The following CELF4 variants were observed in gnomAD, a reference collection of about 807,000 sequenced individuals.
CELF4 encodes CUGBP Elav-like family member 4.
In CELF4, 18 loss-of-function variants were observed where a neutral mutation model predicts 59.9. The observed-to-expected ratio is 0.30, with a 90% confidence interval of 0.21 to 0.45. The LOEUF (loss-of-function observed/expected upper bound fraction) is 0.45, where lower values mean the gene tolerates loss of function less well. CELF4 is among the 20% of genes least tolerant of loss of function. CELF4 has a pLI of 1.00. For missense variants in CELF4, 456 were observed against 689.0 expected (o/e 0.66, Z 3.79); for synonymous variants, 261 against 267.1 (o/e 0.98, Z 0.22).
At chr18:37,296,864 G>T (rs2095674103) in intron 3 of CELF4, among the ~76,000 whole-genome samples, 1 of 152,180 alleles carries the variant, frequency 6.6e-6, no homozygotes, top group African/African-American at 2.4e-5. Flanking sequence ...TAAGTTAGCA[G>T]TGAACAGGAG....
intron 2 of CELF4, among the ~76,000 whole-genome samples, chr18:37,468,333 G>C (rs915305971): frequency 2.0e-5 from 3 of 152,196 alleles, no homozygotes; most frequent in African/African-American, 7.2e-5. Context: ...GCTGGCCTCA[G>C]AGGCCTAGCC....
At chr18:37,331,646 G>A (rs2097546617) in intron 2 of CELF4, among the ~76,000 whole-genome samples, 1 of 151,672 alleles carries the variant, frequency 6.6e-6, no homozygotes, top group Non-Finnish European at 1.5e-5. Context: ...TCCTTCCCAT[G>A]CTCCAGACCT....
intron 3 of CELF4, among the ~76,000 whole-genome samples, chr18:37,300,483 C>T (rs1023690253): frequency 6.6e-6 from 1 of 152,178 alleles, no homozygotes; most frequent in Non-Finnish European, 1.5e-5. Context: ...CCTCGGCCTC[C>T]CAAAGTGCTG....
At chr18:37,414,231 TATCTATCTATCTATCC>T (rs1340332962) in intron 2 of CELF4, among the ~76,000 whole-genome samples, 1 of 130,732 alleles carries the variant, frequency 7.6e-6, no homozygotes, top group African/African-American at 2.6e-5. Flanking sequence ...TCTATCTATC[TATCTATCTATCTATCC>T]ATCCATTCAT....
intron 2 of CELF4, among the ~76,000 whole-genome samples, chr18:37,464,699 G>A (rs1331740225): frequency 6.6e-6 from 1 of 152,124 alleles, no homozygotes; most frequent in Non-Finnish European, 1.5e-5. Flanking sequence ...GCCCTGCCAG[G>A]GGAGGCATCT....
intron 2 of CELF4, among the ~76,000 whole-genome samples, chr18:37,425,971 A>G (rs2154594610): frequency 6.6e-6 from 1 of 152,354 alleles, no homozygotes; most frequent in Middle Eastern, 3.4e-3. Context: ...TGCCAGGGAC[A>G]GTGCCTGGAG....
chr18:37,363,960 A>T (rs1272171151), intron 2 of CELF4, among the ~76,000 whole-genome samples: 1 of 152,152 alleles, frequency 6.6e-6, no homozygotes, highest in African/African-American at 2.4e-5. Context: ...TGGGGACCAC[A>T]TCTGTCACTG....
intron 2 of CELF4, among the ~76,000 whole-genome samples, chr18:37,479,084 A>G (rs191632239): frequency 6.6e-6 from 1 of 152,332 alleles, no homozygotes; most frequent in Admixed American, 6.5e-5. Context: ...CCCTTGGGTC[A>G]AGTCTGCCCT....
intron 2 of CELF4, among the ~76,000 whole-genome samples, chr18:37,388,432 C>T (rs983268978): frequency 6.6e-6 from 1 of 151,544 alleles, no homozygotes; most frequent in Non-Finnish European, 1.5e-5. Context: ...CCTTTCCCCC[C>T]TCCTTCTCTC....
intron 1 of CELF4, among the ~76,000 whole-genome samples, chr18:37,548,362 C>T (rs1472373133): frequency 1.3e-5 from 2 of 152,172 alleles, no homozygotes; most frequent in Admixed American, 6.5e-5. Context: ...TAACCTCAGT[C>T]GAGTTACTGC....
At chr18:37,437,149 A>T (rs1024211589) in intron 2 of CELF4, among the ~76,000 whole-genome samples, 7 of 152,018 alleles carry the variant, frequency 4.6e-5, no homozygotes, top group African/African-American at 1.7e-4. Context: ...ACAAGTGTGT[A>T]CCTCCAAATT....
At chr18:37,386,469 G>A (rs1404772821) in intron 2 of CELF4, among the ~76,000 whole-genome samples, 1 of 152,166 alleles carries the variant, frequency 6.6e-6, no homozygotes, top group Non-Finnish European at 1.5e-5. Context: ...CAGCTTGAGG[G>A]AGAACCAGCT....
At chr18:37,482,270 T>C (rs578131219) in intron 2 of CELF4, among the ~76,000 whole-genome samples, 17 of 152,084 alleles carry the variant, frequency 1.1e-4, no homozygotes, top group African/African-American at 4.1e-4. Flanking sequence ...CTGTGAATAG[T>C]GAAACAAATT....
Position 37,331,582 on chromosome 18 carries a change from G to A in CELF4, c.370-9701C>T, listed in dbSNP as rs651129. ...TGGTGCTGTGTGCCTGGCTGGGGGT[G>A]TGCACTCGGGTCTCAGAGGCATGAG... On this transcript the variant is annotated intron_variant, in intron 2 of 12. Transcript: ENST00000420428. 5.5e-3 allele frequency among the ~76,000 whole-genome samples: 842 copies of A among 152,252 alleles called. 5 individuals are homozygous for A. Among genetic ancestry groups the A allele is most frequent in the African/African-American group, 0.019 (774 of 41,534 alleles).
chr18:37,565,321 T>C, intron 1 of CELF4, 35 bp downstream of exon 1: 1 of 1,467,614 alleles, frequency 6.8e-7, no homozygotes, highest in Non-Finnish European at 9.1e-7. Flanking sequence ...CCGCTCCTGC[T>C]CCCCGGCAAA....
intron 2 of CELF4, among the ~76,000 whole-genome samples, chr18:37,398,918 G>C (rs1247356495): frequency 2.0e-5 from 3 of 152,146 alleles, no homozygotes; most frequent in Non-Finnish European, 4.4e-5. Flanking sequence ...GGTGCATATA[G>C]ATTTCAAACT....
At chr18:37,556,837 G>A (rs2099984956) in intron 1 of CELF4, among the ~76,000 whole-genome samples, 3 of 152,148 alleles carry the variant, frequency 2.0e-5, no homozygotes, top group Admixed American at 6.5e-5. Context: ...TGAACAAACA[G>A]CCACGTATGG....
intron 2 of CELF4, among the ~76,000 whole-genome samples, chr18:37,450,140 G>A (rs958438128): frequency 6.6e-6 from 1 of 152,150 alleles, no homozygotes; most frequent in Non-Finnish European, 1.5e-5. Context: ...GAGGGTGTGT[G>A]TGTGTATTTA....
intron 2 of CELF4, among the ~76,000 whole-genome samples, chr18:37,342,290 A>G (rs745933361): frequency 1.1e-3 from 159 of 147,770 alleles, no homozygotes; most frequent in Non-Finnish European, 2.0e-3. Context: ...CAGCCTCTCC[A>G]CCTCCTCCCC....
Sources: gnomAD v4.1 joint callset for allele counts (sites outside exome capture counted in the v4.1 genomes callset) on GRCh38, gnomAD v4.1.1 for gene constraint, MANE v1.5 for transcripts, NCBI Gene and HGNC (gene_info 2026-07-23, HGNC 2026-07-21) for gene names.